Variants in ITGA9 observed in about 807,000 individuals in gnomAD.
ITGA9 encodes integrin alpha-9.
In ITGA9, 56 loss-of-function variants were observed where a neutral mutation model predicts 127.8. That is an observed-to-expected ratio of 0.44 (90% CI 0.35 to 0.55). The LOEUF (loss-of-function observed/expected upper bound fraction) is 0.55. Among genes scored for constraint, ITGA9 ranks in the 20% least tolerant of loss-of-function variants. The pLI, the probability that ITGA9 is intolerant of heterozygous loss-of-function variation, is 0.00. For synonymous variants in ITGA9, 508 were observed against 514.5 expected (o/e 0.99, Z 0.17); for missense variants, 1,196 against 1,347.1 (o/e 0.89, Z 1.76).
At chr3:37,611,457 A>G (rs909025170) in intron 15 of ITGA9, among the ~76,000 whole-genome samples, 1 of 152,174 alleles carries the variant, frequency 6.6e-6, no homozygotes, top group Non-Finnish European at 1.5e-5. Context: ...TGTTAAAACC[A>G]GTAGGAATGG....
At chr3:37,643,945 A>G (rs954801126) in intron 16 of ITGA9, among the ~76,000 whole-genome samples, 3 of 152,074 alleles carry the variant, frequency 2.0e-5, no homozygotes, top group African/African-American at 7.2e-5. Context: ...TTTCTCTGAC[A>G]GCACCAGCCC....
chr3:37,506,142 T>C (rs1698841831), intron 7 of ITGA9, 57 bp downstream of exon 7: 2 of 1,290,352 alleles, frequency 1.5e-6, no homozygotes, highest in Non-Finnish European at 2.2e-6. Context: ...GAGCATGCTG[T>C]CCCTGGTGCA....
chr3:37,776,890 T>G (rs1696914836), intron 23 of ITGA9, among the ~76,000 whole-genome samples: 1 of 152,160 alleles, frequency 6.6e-6, no homozygotes, highest in Non-Finnish European at 1.5e-5. Context: ...GAAGGACCCC[T>G]AAGGAGTTTT....
At chr3:37,756,107 C>A (rs1696649660) in intron 23 of ITGA9, among the ~76,000 whole-genome samples, 1 of 149,918 alleles carries the variant, frequency 6.7e-6, no homozygotes. Flanking sequence ...ATCCAAGTAC[C>A]AAATAACTTG....
chr3:37,546,213 C>G (rs770172333), intron 15 of ITGA9, among the ~76,000 whole-genome samples: 4 of 152,122 alleles, frequency 2.6e-5, no homozygotes, highest in Non-Finnish European at 5.9e-5. Flanking sequence ...AGAATTCTAG[C>G]TGGATTTCAT....
intron 15 of ITGA9, among the ~76,000 whole-genome samples, chr3:37,613,425 C>A (rs1036325866): frequency 1.3e-5 from 2 of 152,046 alleles, no homozygotes. Context: ...AATAAACATA[C>A]GTGTGCATGT....
In ITGA9 at chr3:37,530,683, G is replaced by C. The variant is rs545448443; in HGVS notation, c.1374-2631G>C. 2.2e-5 allele frequency among the ~76,000 whole-genome samples: 3 copies of C among 136,188 alleles called. No individual in the cohort carries two copies. The East Asian group carries it at 6.5e-4, about 30-fold the overall frequency. 89.3% of individuals were successfully genotyped at this position (136,188 alleles called of 152,430 possible). On this transcript the variant is annotated intron_variant, in intron 13 of 27. Coordinates refer to ENST00000264741, the MANE Select transcript of ITGA9 (RefSeq NM_002207.3). Reference sequence around the variant, plus strand: ...GAAGTGAAGTGACAGGATTTGAACTGTCAGCCCTCAGGGAGAAGTGTTCCA... The same window carrying C: ...GAAGTGAAGTGACAGGATTTGAACTCTCAGCCCTCAGGGAGAAGTGTTCCA...
At chr3:37,605,283 T>C (rs1342616433) in intron 15 of ITGA9, among the ~76,000 whole-genome samples, 2 of 152,092 alleles carry the variant, frequency 1.3e-5, no homozygotes, top group African/African-American at 4.8e-5. Flanking sequence ...GTGGAGCCAG[T>C]TCCCTGAGGG....
At position 37,494,743 on chromosome 3, in the gene ITGA9, C is replaced by T. The variant is rs537599246; in HGVS notation, c.612+175C>T. 1.1e-3 allele frequency among the ~76,000 whole-genome samples: 165 copies of T among 152,244 alleles called. 1 individual carries two copies. The highest frequency in any genetic ancestry group is 3.9e-3 in the African/African-American group (161 of 41,538). On this transcript the variant is annotated intron_variant, in intron 5 of 27. Coordinates refer to ENST00000264741, the MANE Select transcript of ITGA9 (RefSeq NM_002207.3). ...GCTATTTCTACCTGCCCGGAGGGCA[C>T]CAGCTGGCCAGAGACCACTGGGCAG...
intron 18 of ITGA9, among the ~76,000 whole-genome samples, chr3:37,692,412 A>AGTGTGTGTGT (rs59928496): frequency 0.012 from 1,798 of 146,028 alleles, 35 homozygotes; most frequent in African/African-American, 0.042. Flanking sequence ...AGAGAGAGAG[A>AGTGTGTGTGT]GTGTGTGTGT....
chr3:37,504,115 G>A lies in ITGA9; in HGVS notation c.742+808G>A, dbSNP rs1574543. ...TCTTGTTAAATGGGGTTAGGGAGTC[G>A]TTGACTTGCCTTTTCCCTTCTAACT... On this transcript the variant is annotated intron_variant, in intron 6 of 27. Coordinates refer to ENST00000264741, the MANE Select transcript of ITGA9 (RefSeq NM_002207.3). Among the ~76,000 whole-genome samples the A allele has an allele frequency of 7.9e-3, 1,206 of 152,270 alleles. 10 individuals carry two copies. The highest frequency in any genetic ancestry group is 0.027 in the Middle Eastern group (8 of 294).
intron 15 of ITGA9, among the ~76,000 whole-genome samples, chr3:37,607,458 G>A (rs1699979082): frequency 6.6e-6 from 1 of 152,174 alleles, no homozygotes; most frequent in Non-Finnish European, 1.5e-5. Flanking sequence ...TGGTAGGATG[G>A]GTGTTAATTG....
rs568734415 is a variant in ITGA9, at chr3:37,759,715, A to G, written c.2541+9146A>G. On this transcript the variant is annotated intron_variant, in intron 23 of 27. Coordinates refer to ENST00000264741, the MANE Select transcript of ITGA9 (RefSeq NM_002207.3). ...TCAGGAGTTGGAGACCAGCCAGGCCAACATGGTGAAACCCTGTCTGTACTA... is the reference window on the plus strand; with the variant it reads ...TCAGGAGTTGGAGACCAGCCAGGCCGACATGGTGAAACCCTGTCTGTACTA... Among the ~76,000 whole-genome samples, 31 of 150,790 alleles carry G rather than the reference A, an allele frequency of 2.1e-4. No homozygotes were observed. In the South Asian group the frequency reaches 6.1e-3, roughly 30 times the overall value.
chr3:37,803,915 C>T lies in ITGA9; in HGVS notation c.2982C>T (p.Phe994=), dbSNP rs1051681123. ...AISLLVGILI[F]LLLAVLLWKM... ...GTTTGTTGGTGGGAATCCTCATCTT[C>T]CTGCTGCTGGCCGTGCTGCTCTGGA... The change falls in exon 27 of 28, where the codon TTC becomes TTT. Residue 994 remains phenylalanine (F), a synonymous_variant. Transcript: ENST00000264741. 2 of 1,614,076 alleles carry T rather than the reference C, an allele frequency of 1.2e-6. No homozygotes were observed. Among genetic ancestry groups the T allele is most frequent in the Non-Finnish European group, 1.7e-6 (2 of 1,180,030 alleles).
chr3:37,704,167 G>GT (rs1404173767), intron 18 of ITGA9, among the ~76,000 whole-genome samples: 1 of 152,194 alleles, frequency 6.6e-6, no homozygotes, highest in African/African-American at 2.4e-5. Context: ...ATCACGGCCA[G>GT]TTTTTTGTGG....
chr3:37,700,431 G>T (rs1700934116), intron 18 of ITGA9, among the ~76,000 whole-genome samples: 1 of 152,148 alleles, frequency 6.6e-6, no homozygotes, highest in South Asian at 2.1e-4. Context: ...TTGGCTCACT[G>T]CAACCTCCAC....
chr3:37,767,652 T>C (rs1696794638), intron 23 of ITGA9, among the ~76,000 whole-genome samples: 1 of 152,234 alleles, frequency 6.6e-6, no homozygotes, highest in Non-Finnish European at 1.5e-5. Context: ...GCCCCTCATA[T>C]TAGCCTAGCT....
intron 18 of ITGA9, among the ~76,000 whole-genome samples, chr3:37,689,233 T>C (rs567192118): frequency 2.0e-5 from 3 of 152,382 alleles, no homozygotes; most frequent in Admixed American, 1.3e-4. Flanking sequence ...TTTTTCTGTC[T>C]TCTAATGCAA....
At chr3:37,763,316 C>G (rs1696743561) in intron 23 of ITGA9, among the ~76,000 whole-genome samples, 1 of 152,182 alleles carries the variant, frequency 6.6e-6, no homozygotes, top group Non-Finnish European at 1.5e-5. Flanking sequence ...TTGCAGGGAC[C>G]AAAGCTATCT....
Sources: gnomAD v4.1 joint callset for allele counts (sites outside exome capture counted in the v4.1 genomes callset) on GRCh38, gnomAD v4.1.1 for gene constraint, MANE v1.5 for transcripts, NCBI Gene and HGNC (gene_info 2026-07-23, HGNC 2026-07-21) for gene names.